ARID2: variants seen among roughly 807,000 people sequenced by gnomAD.
The protein encoded by ARID2 is AT-rich interactive domain-containing protein 2.
A neutral mutation model predicts 184.6 loss-of-function variants in ARID2; 32 were observed. That is an observed-to-expected ratio of 0.17 (90% CI 0.13 to 0.23). The LOEUF (loss-of-function observed/expected upper bound fraction) is 0.23. ARID2 is among the 10% of genes least tolerant of loss of function. The pLI is 1.00. For synonymous variants in ARID2, 836 were observed against 772.6 expected, an observed-to-expected ratio of 1.08 and a Z score of -1.36; for missense variants, 1,696 against 2,197.6, an observed-to-expected ratio of 0.77 and a Z score of 4.56.
At chr12:45,861,466 G>A (rs1455340546) in intron 16 of ARID2, among the ~76,000 whole-genome samples, 1 of 151,840 alleles carries the variant, frequency 6.6e-6, no homozygotes, top group East Asian at 1.9e-4. Flanking sequence ...AGACTTGAAG[G>A]AAAACTTGAA....
Position 45,807,227 on chromosome 12 carries a change from T to C in ARID2, c.285-4191T>C, listed in dbSNP as rs1460422629. Among the ~76,000 whole-genome samples the C allele has an allele frequency of 2.0e-5, 3 of 152,208 alleles. No homozygotes were observed. In the East Asian group the frequency reaches 5.8e-4, roughly 29 times the overall value. ...CTCTCTAAAGTTTATTGTAATTGGA[T>C]TTAAAGGGAGAAGTGAATATGAGTC... On this transcript the variant is annotated intron_variant, in intron 3 of 20. Coordinates refer to ENST00000334344, the MANE Select transcript of ARID2 (RefSeq NM_152641.4).
intron 16 of ARID2, among the ~76,000 whole-genome samples, chr12:45,867,153 G>A (rs975970679): frequency 2.0e-5 from 3 of 152,006 alleles, no homozygotes; most frequent in South Asian, 2.1e-4. Context: ...ATTTCACCAT[G>A]TTGGGAAGGC....
Position 45,850,488 on chromosome 12 carries a change from G to A in ARID2, c.2365G>A (p.Val789Ile). 6.2e-7 allele frequency: 1 copy of A among 1,613,984 alleles called. No individual in the cohort carries two copies. The highest frequency in any genetic ancestry group is 8.5e-7 in the Non-Finnish European group (1 of 1,179,968). Residue 789 changes from valine (V) to isoleucine (I), a missense_variant, in exon 15 of 21, where the codon GTT becomes ATT. Around this residue, in one of 11 missense-constraint regions of ARID2, gnomAD observed 713 missense variants for 824.4 expected, o/e 0.86. Coordinates refer to ENST00000334344, the MANE Select transcript of ARID2 (RefSeq NM_152641.4). ...AGGACAGATCCCTTCAGGCACTCCTGTTACAGTAATTCAACAAGCTGTCCC... is the reference window on the plus strand; with the variant it reads ...AGGACAGATCCCTTCAGGCACTCCTATTACAGTAATTCAACAAGCTGTCCC... ...VPGQIPSGTP[V>I]TVIQQAVPQS... is the part of the protein sequence containing the mutation.
intron 16 of ARID2, among the ~76,000 whole-genome samples, chr12:45,887,723 G>A (rs1944218738): frequency 1.3e-5 from 2 of 152,210 alleles, no homozygotes; most frequent in African/African-American, 2.4e-5. Flanking sequence ...CACAGGAAGA[G>A]GAGTGGCCAG....
Position 45,817,786 on chromosome 12 carries a change from G to A in ARID2, c.535G>A (p.Val179Ile), listed in dbSNP as rs896638040. ...AAATGAAGTGGACTTTGCTATTAACGTATGCACTCTCCTATCAAATGAAAG... is the reference window on the plus strand; with the variant it reads ...AAATGAAGTGGACTTTGCTATTAACATATGCACTCTCCTATCAAATGAAAG... ...LPNEVDFAIN[V>I]CTLLSNESKH... The change falls in exon 5 of 21, where the codon GTA (valine) becomes ATA (isoleucine). Residue 179 changes from valine to isoleucine, a missense_variant. Coordinates refer to ENST00000334344, the MANE Select transcript of ARID2 (RefSeq NM_152641.4). 1.4e-5 allele frequency: 22 copies of A among 1,613,014 alleles called. No individual in the cohort carries two copies. The highest frequency in any genetic ancestry group is 1.0e-4 in the Admixed American group (6 of 59,872).
At chr12:45,833,671 G>A (rs1159293101) in intron 6 of ARID2, among the ~76,000 whole-genome samples, 1 of 152,252 alleles carries the variant, frequency 6.6e-6, no homozygotes, top group South Asian at 2.1e-4. Flanking sequence ...ATGTAGATTA[G>A]CCTTTACTCT....
intron 16 of ARID2, among the ~76,000 whole-genome samples, chr12:45,880,239 G>A (rs1398937936): frequency 6.6e-6 from 1 of 152,148 alleles, no homozygotes; most frequent in Non-Finnish European, 1.5e-5. Flanking sequence ...CATTATATTT[G>A]TATTTAGAAT....
intron 3 of ARID2, among the ~76,000 whole-genome samples, chr12:45,804,446 G>A (rs1012240343): frequency 6.6e-6 from 1 of 151,608 alleles, no homozygotes; most frequent in Non-Finnish European, 1.5e-5. Context: ...TGGTGGTTGT[G>A]TTTAATGAGT....
At chr12:45,896,965 A>G (rs1944376923) in intron 20 of ARID2, among the ~76,000 whole-genome samples, 2 of 152,374 alleles carry the variant, frequency 1.3e-5, no homozygotes, top group Admixed American at 1.3e-4. Flanking sequence ...CGTAATCTCA[A>G]GAGACCCTGA....
At chr12:45,877,435 C>A (rs1251616194) in intron 16 of ARID2, among the ~76,000 whole-genome samples, 1 of 151,872 alleles carries the variant, frequency 6.6e-6, no homozygotes, top group East Asian at 1.9e-4. Flanking sequence ...CTCCCATCAC[C>A]CCCAGATGGG....
intron 3 of ARID2, among the ~76,000 whole-genome samples, chr12:45,768,296 A>G (rs755233720): frequency 6.6e-6 from 1 of 152,088 alleles, no homozygotes; most frequent in African/African-American, 2.4e-5. Context: ...CTCATGGTAC[A>G]GAGGCTGTAC....
chr12:45,837,820 CATT>C, intron 10 of ARID2, 113 bp downstream of exon 10: 1 of 861,706 alleles, frequency 1.2e-6, no homozygotes, highest in South Asian at 2.4e-5. Flanking sequence ...TTTGAAGAGT[CATT>C]ACCTCCTCAG....
intron 20 of ARID2, among the ~76,000 whole-genome samples, chr12:45,899,702 T>C (rs977484775): frequency 7.1e-6 from 1 of 140,584 alleles, no homozygotes; most frequent in African/African-American, 2.8e-5. Context: ...TGGTTATATA[T>C]ATATATGGTT....
At chr12:45,862,409 A>G (rs748444033) in intron 16 of ARID2, among the ~76,000 whole-genome samples, 6 of 152,118 alleles carry the variant, frequency 3.9e-5, no homozygotes, top group Non-Finnish European at 5.9e-5. Flanking sequence ...TTTAAGGTGT[A>G]TGTTTGTAAG....
intron 16 of ARID2, among the ~76,000 whole-genome samples, chr12:45,872,309 T>G (rs1194370914): frequency 6.6e-6 from 1 of 152,188 alleles, no homozygotes; most frequent in Non-Finnish European, 1.5e-5. Context: ...GAAATTATGA[T>G]TATGTTGTAT....
intron 11 of ARID2, among the ~76,000 whole-genome samples, chr12:45,844,927 A>G (rs993949747): frequency 3.3e-5 from 5 of 152,206 alleles, no homozygotes; most frequent in African/African-American, 1.2e-4. Flanking sequence ...ATTATCAAAG[A>G]GGAGGTGATA....
chr12:45,760,942 GC>G (rs1941666536), intron 3 of ARID2, among the ~76,000 whole-genome samples: 1 of 152,034 alleles, frequency 6.6e-6, no homozygotes, highest in African/African-American at 2.4e-5. Flanking sequence ...GCTCACTGGA[GC>G]CCGAATCTCC....
chr12:45,748,283 T>C (rs370623453), intron 3 of ARID2, among the ~76,000 whole-genome samples: 10 of 152,112 alleles, frequency 6.6e-5, no homozygotes, highest in African/African-American at 2.4e-4. Flanking sequence ...CCCAGATACT[T>C]GGGAGGCTGA....
chr12:45,839,389 C>T lies in ARID2; in HGVS notation c.1391C>T (p.Ala464Val), dbSNP rs376273452. ...IQMFGPDALA[A>V]VKLIEHPSSS... is the part of the protein sequence containing the mutation. The stretch of plus-strand genomic sequence containing the variant: ...ATGTTTGGCCCTGATGCACTAGCTG[C>T]GGTAAAACTCATTGAACACCCAAGT... The change falls in exon 11 of 21, where the codon GCG becomes GTG. Residue 464 changes from alanine (A) to valine (V), a missense_variant. Ala to Val is a moderately conservative substitution (Grantham distance 64). Coordinates refer to ENST00000334344, the MANE Select transcript of ARID2 (RefSeq NM_152641.4). 1.4e-4 allele frequency: 229 copies of T among 1,613,910 alleles called. No individual in the cohort carries two copies. Among genetic ancestry groups the T allele is most frequent in the Non-Finnish European group, 1.8e-4 (215 of 1,179,970 alleles).
Sources: gnomAD v4.1 joint callset for allele counts (sites outside exome capture counted in the v4.1 genomes callset) on GRCh38, gnomAD v4.1.1 for gene constraint, gnomAD v4.1.1 regional missense constraint, MANE v1.5 for transcripts, NCBI Gene and HGNC (gene_info 2026-07-23, HGNC 2026-07-21) for gene names.